CCDC192: variants seen among roughly 807,000 people sequenced by gnomAD.
CCDC192 encodes coiled-coil domain-containing protein 192.
At chr5:127,877,887 A>T (rs1408596985) in intron 6 of CCDC192, among the ~76,000 whole-genome samples, 2 of 152,204 alleles carry the variant, frequency 1.3e-5, no homozygotes, top group East Asian at 3.8e-4. Flanking sequence ...CAAATGAAAG[A>T]TGCTCCAGTC....
At chr5:127,789,799 G>A (rs373774208) in intron 3 of CCDC192, among the ~76,000 whole-genome samples, 1 of 152,230 alleles carries the variant, frequency 6.6e-6, no homozygotes. Context: ...CCCAAAGACA[G>A]TTCAGAGATT....
chr5:127,718,503 C>T (rs946576091), intron 2 of CCDC192, among the ~76,000 whole-genome samples: 1 of 146,864 alleles, frequency 6.8e-6, no homozygotes, highest in Non-Finnish European at 1.5e-5. Flanking sequence ...CTGTGTAGTG[C>T]TGGCACATTT....
At chr5:127,825,658 T>C (rs1426654025) in intron 5 of CCDC192, among the ~76,000 whole-genome samples, 5 of 152,230 alleles carry the variant, frequency 3.3e-5, no homozygotes, top group African/African-American at 1.2e-4. Context: ...TTCTTCCTTT[T>C]ATTTATAGCC....
At chr5:127,859,934 G>T (rs1751285747) in intron 5 of CCDC192, among the ~76,000 whole-genome samples, 1 of 151,890 alleles carries the variant, frequency 6.6e-6, no homozygotes, top group African/African-American at 2.4e-5. Context: ...TTTATCTCAT[G>T]TGGTTCCTTA....
intron 6 of CCDC192, among the ~76,000 whole-genome samples, chr5:127,890,370 T>C (rs1048389317): frequency 1.3e-4 from 20 of 151,608 alleles, no homozygotes; most frequent in Non-Finnish European, 2.8e-4. Flanking sequence ...TAAGCATCAC[T>C]ATTGTAAAAC....
rs1404046317 is a variant in CCDC192, at chr5:127,709,163, GGGAGAGGGGGA to G, written c.114+1405_114+1415del. On this transcript the variant is annotated intron_variant, in intron 2 of 6. Transcript: ENST00000514853. ...AGGAGAGAAAGAAGAGAGAGAGAGGGGGAGAGGGGGAGAGAGGGGGAGAGAGGTGGAGAGAG... is the reference window on the plus strand; with the variant it reads ...AGGAGAGAAAGAAGAGAGAGAGAGGGGAGAGGGGGAGAGAGGTGGAGAGAG... Among the ~76,000 whole-genome samples the G allele has an allele frequency of 8.0e-3, 1,052 of 132,248 alleles. 11 individuals are homozygous for G. Among genetic ancestry groups the G allele is most frequent in the Non-Finnish European group, 0.013 (785 of 62,178 alleles). 86.8% of individuals were successfully genotyped at this position (132,248 alleles called of 152,430 possible).
At chr5:127,731,869 A>C (rs778598532) in intron 2 of CCDC192, among the ~76,000 whole-genome samples, 17 of 152,250 alleles carry the variant, frequency 1.1e-4, no homozygotes, top group Non-Finnish European at 1.8e-4. Flanking sequence ...AGATGGATTA[A>C]AGACTTAAAT....
intron 6 of CCDC192, among the ~76,000 whole-genome samples, chr5:127,899,531 C>T (rs1188283576): frequency 1.3e-5 from 2 of 148,220 alleles, no homozygotes; most frequent in Non-Finnish European, 3.0e-5. Context: ...CAACTGCCAG[C>T]CATAAAAGTA....
intron 5 of CCDC192, among the ~76,000 whole-genome samples, chr5:127,844,441 A>C (rs1416004602): frequency 6.6e-6 from 1 of 152,248 alleles, no homozygotes; most frequent in Non-Finnish European, 1.5e-5. Context: ...AACCATCACA[A>C]TAACAGAGCT....
chr5:127,840,789 G>A (rs554599024), intron 5 of CCDC192, among the ~76,000 whole-genome samples: 8 of 152,200 alleles, frequency 5.3e-5, no homozygotes, highest in Admixed American at 1.3e-4. Flanking sequence ...AAAGCAATAC[G>A]TTTCATCATA....
chr5:127,707,588 T>C, intron 1 of CCDC192, 121 bp from the exon 2 acceptor site: 2 of 384,520 alleles, frequency 5.2e-6, no homozygotes, highest in Middle Eastern at 6.6e-4. Flanking sequence ...GGAAATACTT[T>C]AGAAAATTTA....
chr5:127,759,125 A>C (rs780097605), intron 3 of CCDC192, among the ~76,000 whole-genome samples: 23 of 152,120 alleles, frequency 1.5e-4, no homozygotes, highest in Non-Finnish European at 3.1e-4. Context: ...GGCCTTGGGC[A>C]ATTCACTTTG....
chr5:127,738,887 G>A (rs1440176502), intron 2 of CCDC192, among the ~76,000 whole-genome samples: 1 of 151,838 alleles, frequency 6.6e-6, no homozygotes, highest in African/African-American at 2.4e-5. Flanking sequence ...TCCTCCCATA[G>A]CTCAGAGTAA....
chr5:127,937,711 A>G, intron 6 of CCDC192, among the ~76,000 whole-genome samples: 1 of 152,230 alleles, frequency 6.6e-6, no homozygotes. Context: ...ACTCTCTTCC[A>G]GAAGGGCGAT....
chr5:127,939,193 A>G (rs577464028), intron 6 of CCDC192, among the ~76,000 whole-genome samples: 92 of 143,204 alleles, frequency 6.4e-4, no homozygotes, highest in Non-Finnish European at 1.2e-3. Flanking sequence ...TCTCAGCTCA[A>G]TGCAACCTGC....
chr5:127,789,752 A>G (rs982206239), intron 3 of CCDC192, among the ~76,000 whole-genome samples: 41 of 152,374 alleles, frequency 2.7e-4, no homozygotes, highest in African/African-American at 6.7e-4. Context: ...AAGCTATTCA[A>G]TAGCCTTGTG....
At position 127,720,650 on chromosome 5, in the gene CCDC192, T is replaced by C. The variant is rs1023485363; in HGVS notation, c.114+12890T>C. 3.9e-5 allele frequency among the ~76,000 whole-genome samples: 6 copies of C among 152,282 alleles called. No homozygotes were observed. The South Asian group carries it at 1.2e-3, about 32-fold the overall frequency. ...CTCCTCCACACTGCCCTAGTAGAGG[T>C]TCTCCATGAGGGCTTTGGCCCTGCA... is the stretch of plus-strand genomic sequence containing the variant. On this transcript the variant is annotated intron_variant, in intron 2 of 6. Coordinates refer to ENST00000514853, the MANE Select transcript of CCDC192 (RefSeq NM_001317938.2).
At chr5:127,760,431 G>A (rs1326711064) in intron 3 of CCDC192, among the ~76,000 whole-genome samples, 1 of 151,930 alleles carries the variant, frequency 6.6e-6, no homozygotes, top group African/African-American at 2.4e-5. Flanking sequence ...TTGATGAGAG[G>A]TCTGGGTTAG....
At chr5:127,826,652 G>T (rs961189016) in intron 5 of CCDC192, among the ~76,000 whole-genome samples, 9 of 147,130 alleles carry the variant, frequency 6.1e-5, no homozygotes, top group African/African-American at 2.3e-4. Context: ...ATGGGAGAGG[G>T]AGGGAGGGGG....
Sources: allele counts gnomAD v4.1 joint callset (sites outside exome capture counted in the v4.1 genomes callset), GRCh38; gene constraint gnomAD v4.1.1; transcripts MANE v1.5; gene names NCBI Gene and HGNC (gene_info 2026-07-23, HGNC 2026-07-21).